ATP6V1E1: variants seen among roughly 807,000 people sequenced by gnomAD.
The protein encoded by ATP6V1E1 is V-type proton ATPase subunit E 1.
Under a neutral mutation model 35.2 loss-of-function variants are expected in ATP6V1E1, and 21 were observed. That is an observed-to-expected ratio of 0.60 (90% confidence interval 0.42 to 0.86). The LOEUF is 0.86. Ranked by LOEUF, ATP6V1E1 falls within the 40% of genes least tolerant of loss-of-function variation. ATP6V1E1 has a pLI of 0.00. For missense variants in ATP6V1E1, 183 were observed against 272.6 expected, an observed-to-expected ratio of 0.67 and a Z score of 2.32; for synonymous variants, 83 against 87.8, an observed-to-expected ratio of 0.95 and a Z score of 0.30.
intron 2 of ATP6V1E1, among the ~76,000 whole-genome samples, chr22:17,616,611 G>A (rs181087723): frequency 1.3e-4 from 19 of 150,262 alleles, no homozygotes; most frequent in African/African-American, 3.9e-4. Context: ...CTCGGGAGGC[G>A]GAGGTTGTGG....
At chr22:17,595,974 C>CA (rs1403606634) in intron 7 of ATP6V1E1, among the ~76,000 whole-genome samples, 2 of 148,074 alleles carry the variant, frequency 1.4e-5, no homozygotes, top group Non-Finnish European at 3.0e-5. Flanking sequence ...ACTAAAAATA[C>CA]AAAAAAAATT....
chr22:17,594,783 T>C lies in ATP6V1E1; in HGVS notation c.531-167A>G, dbSNP rs563208645. On this transcript the variant is annotated intron_variant, in intron 7 of 8. Transcript: ENST00000253413. ...AAGCTTCTGAAGATGTAACGCACAGTTGGTTTCAGGAAACCCCAGTCCCCG... is the reference window on the plus strand; with the variant it reads ...AAGCTTCTGAAGATGTAACGCACAGCTGGTTTCAGGAAACCCCAGTCCCCG... The C allele has an allele frequency of 2.7e-4, 136 of 501,640 alleles. 1 individual carries two copies. The South Asian group carries it at 5.2e-3, about 19-fold the overall frequency. The allele number at this position is 501,640 out of a possible 1,614,324, so 31.1% of individuals were successfully genotyped here. A position where few individuals can be genotyped will look rare whatever the true frequency, so the allele number is the denominator to read the frequency against.
intron 4 of ATP6V1E1, among the ~76,000 whole-genome samples, chr22:17,610,321 G>A (rs1455734859): frequency 6.6e-6 from 1 of 152,080 alleles, no homozygotes; most frequent in Non-Finnish European, 1.5e-5. Context: ...TAAATAACAA[G>A]TTAAAATTAC....
intron 4 of ATP6V1E1, among the ~76,000 whole-genome samples, chr22:17,608,149 C>T (rs1177623420): frequency 6.6e-6 from 1 of 152,272 alleles, no homozygotes; most frequent in Middle Eastern, 3.4e-3. Flanking sequence ...GAGGGGCCAG[C>T]ACGATACAGG....
chr22:17,622,148 AG>A (rs927843005), intron 1 of ATP6V1E1, among the ~76,000 whole-genome samples: 22 of 152,328 alleles, frequency 1.4e-4, no homozygotes, highest in African/African-American at 5.1e-4. Context: ...AAATCCAAAA[AG>A]GAAAAAAAAG....
intron 5 of ATP6V1E1, chr22:17,600,645 T>C (rs1428847775): frequency 6.5e-6 from 1 of 154,698 alleles, no homozygotes; most frequent in Non-Finnish European, 1.4e-5. Flanking sequence ...ACATCTTATA[T>C]TACATCAACC....
At chr22:17,597,874 A>G (rs1489643924) in intron 7 of ATP6V1E1, 4 of 282,022 alleles carry the variant, frequency 1.4e-5, no homozygotes, top group Non-Finnish European at 2.7e-5. Context: ...CTAGCTCCCT[A>G]GGCCATGTTG....
intron 2 of ATP6V1E1, among the ~76,000 whole-genome samples, chr22:17,615,244 T>C (rs1453418056): frequency 6.6e-6 from 1 of 151,992 alleles, no homozygotes; most frequent in Non-Finnish European, 1.5e-5. Context: ...GAGATTACAG[T>C]GAGCCGAGAT....
chr22:17,609,893 A>AC (rs1257715087), intron 4 of ATP6V1E1, among the ~76,000 whole-genome samples: 2 of 152,222 alleles, frequency 1.3e-5, no homozygotes. Context: ...GTTGAGAAGC[A>AC]CCGATATTGA....
chr22:17,605,041 C>G (rs1019165797), intron 4 of ATP6V1E1, among the ~76,000 whole-genome samples: 1 of 149,536 alleles, frequency 6.7e-6, no homozygotes, highest in African/African-American at 2.5e-5. Flanking sequence ...CATGGTGAAA[C>G]CCTGTCTCTA....
At chr22:17,600,237 C>G in intron 5 of ATP6V1E1, 142 bp from the exon 6 acceptor site, 1 of 665,170 alleles carries the variant, frequency 1.5e-6, no homozygotes. Flanking sequence ...AAGTTCGAGA[C>G]CAGCCTAGGC....
intron 2 of ATP6V1E1, among the ~76,000 whole-genome samples, 190 bp from the exon 3 acceptor site, chr22:17,613,510 G>T (rs535679472): frequency 3.3e-5 from 5 of 151,668 alleles, no homozygotes; most frequent in African/African-American, 1.2e-4. Context: ...TATAAATGAC[G>T]TACTAGGAAA....
At chr22:17,598,723 C>T (rs1232552364) in intron 6 of ATP6V1E1, among the ~76,000 whole-genome samples, 5 of 152,120 alleles carry the variant, frequency 3.3e-5, no homozygotes, top group Non-Finnish European at 5.9e-5. Context: ...CAGTGCCATG[C>T]CATACCCATA....
chr22:17,622,679 C>G (rs1378546477), intron 1 of ATP6V1E1, among the ~76,000 whole-genome samples: 1 of 152,090 alleles, frequency 6.6e-6, no homozygotes, highest in African/African-American at 2.4e-5. Context: ...AAAGAAAACA[C>G]TACTGCCTGG....
rs2057824643 is a variant in ATP6V1E1, at chr22:17,613,312, T to G, written c.108A>C (p.Glu36Asp). The change falls in exon 3 of 9, where the codon GAA becomes GAC. Residue 36 changes from glutamate to aspartate, a missense_variant. Physicochemically the swap from Glu to Asp is conservative, Grantham distance 45. Coordinates refer to ENST00000253413, the MANE Select transcript of ATP6V1E1 (RefSeq NM_001696.4). ...KAEEIDAKAEEEFNIEKGRLV... is the reference protein window; with the variant it reads ...KAEEIDAKAEDEFNIEKGRLV... ...GCCGACCTTTCTCTATGTTGAACTC[T>G]TCTTCTGCCTAGAGGGAAATTAGTC... The G allele has an allele frequency of 1.9e-6, 3 of 1,612,882 alleles. No individual in the cohort carries two copies. The highest frequency in any genetic ancestry group is 2.5e-6 in the Non-Finnish European group (3 of 1,179,014).
chr22:17,599,959 A>G lies in ATP6V1E1; in HGVS notation c.435+68T>C, dbSNP rs1456797949. On this transcript the variant is annotated intron_variant, in intron 6 of 8. Transcript: ENST00000253413. The stretch of plus-strand genomic sequence containing the variant: ...GAAAAGGAAGGAAGGAAGGAAAAGA[A>G]AGAGAGAGGGGAAGGAAGAAAGGGA... The G allele has an allele frequency of 2.6e-6, 3 of 1,136,502 alleles. No homozygotes were observed. In the East Asian group the frequency reaches 1.0e-4, roughly 39 times the overall value. 70.4% of individuals were successfully genotyped at this position (1,136,502 alleles called of 1,614,324 possible).
chr22:17,616,722 C>T (rs1486177245), intron 2 of ATP6V1E1, among the ~76,000 whole-genome samples: 2 of 149,636 alleles, frequency 1.3e-5, no homozygotes, highest in Admixed American at 6.7e-5. Flanking sequence ...GAAATAATAG[C>T]TGAAATAGGA....
chr22:17,613,183 C>T (rs369896095), intron 3 of ATP6V1E1, 28 bp downstream of exon 3: 8 of 1,595,708 alleles, frequency 5.0e-6, no homozygotes, highest in Non-Finnish European at 6.9e-6. Context: ...AACTTCTTAG[C>T]TTAATACTGC....
chr22:17,593,493 C>T (rs1450556738), intron 8 of ATP6V1E1, among the ~76,000 whole-genome samples: 1 of 152,200 alleles, frequency 6.6e-6, no homozygotes, highest in Non-Finnish European at 1.5e-5. Context: ...GAACTTAACC[C>T]TGGACTTCCA....
Sources: allele counts gnomAD v4.1 joint callset (sites outside exome capture counted in the v4.1 genomes callset), GRCh38; gene constraint gnomAD v4.1.1; transcripts MANE v1.5; gene names NCBI Gene and HGNC (gene_info 2026-07-23, HGNC 2026-07-21).